CAB39: variants seen among roughly 807,000 people sequenced by gnomAD.
CAB39 encodes the protein calcium-binding protein 39.
In CAB39, 8 loss-of-function variants were observed where a neutral mutation model predicts 40.0. The ratio of observed to expected loss-of-function variants is 0.20; its 90% CI spans 0.12 to 0.36. CAB39 has a LOEUF of 0.36. CAB39 is among the 10% of genes least tolerant of loss of function. CAB39 has a pLI of 1.00. For missense variants in CAB39, 270 were observed against 401.1 expected (o/e 0.67, Z 2.79); for synonymous variants, 156 against 141.6 (o/e 1.10, Z -0.72).
intron 7 of CAB39, among the ~76,000 whole-genome samples, chr2:230,816,155 C>A (rs546433243): frequency 1.3e-5 from 2 of 152,306 alleles, no homozygotes; most frequent in Admixed American, 1.3e-4. Flanking sequence ...AGCCTGTAGT[C>A]CCAGCTACTT....
chr2:230,807,317 G>A lies in CAB39; in HGVS notation c.568-2946G>A, dbSNP rs994949514. Among the ~76,000 whole-genome samples the A allele has an allele frequency of 3.9e-5, 6 of 151,926 alleles. No homozygotes were observed. The East Asian group carries it at 1.2e-3, about 29-fold the overall frequency. On this transcript the variant is annotated intron_variant, in intron 5 of 8. Coordinates refer to ENST00000258418, the MANE Select transcript of CAB39 (RefSeq NM_016289.4). ...TCTCTCAGTAGATAGAGGCTCTGCT[G>A]ATTGTCCTCATCTCCTCCTTTTCCC...
intron 2 of CAB39, among the ~76,000 whole-genome samples, chr2:230,769,150 CA>C (rs1230405609): frequency 6.6e-6 from 1 of 152,066 alleles, no homozygotes; most frequent in Non-Finnish European, 1.5e-5. Context: ...AGAATATTAC[CA>C]AGGGTAAAGA....
At chr2:230,715,645 A>C (rs546674199) in intron 1 of CAB39, among the ~76,000 whole-genome samples, 1 of 152,364 alleles carries the variant, frequency 6.6e-6, no homozygotes, top group South Asian at 2.1e-4. Flanking sequence ...GGATATAAGC[A>C]TAGAATATTT....
intron 1 of CAB39, among the ~76,000 whole-genome samples, chr2:230,732,216 G>A (rs1209908478): frequency 6.6e-6 from 1 of 152,084 alleles, no homozygotes; most frequent in Non-Finnish European, 1.5e-5. Flanking sequence ...CAAGTAGCTG[G>A]GACTACAGGC....
At chr2:230,786,040 T>G (rs1161424126) in intron 2 of CAB39, among the ~76,000 whole-genome samples, 1 of 149,898 alleles carries the variant, frequency 6.7e-6, no homozygotes, top group Non-Finnish European at 1.5e-5. Context: ...GGCGGGTGCC[T>G]GTAGTCCCAG....
At chr2:230,730,423 T>C (rs1694666293) in intron 1 of CAB39, among the ~76,000 whole-genome samples, 1 of 150,478 alleles carries the variant, frequency 6.6e-6, no homozygotes, top group Middle Eastern at 3.2e-3. Context: ...GACTAAAAAC[T>C]ATACATTAGA....
chr2:230,756,372 T>C (rs1695189877), intron 1 of CAB39, among the ~76,000 whole-genome samples: 1 of 152,208 alleles, frequency 6.6e-6, no homozygotes, highest in Non-Finnish European at 1.5e-5. Context: ...GTGATAGGAA[T>C]TTTTCAGCTG....
chr2:230,804,930 A>G (rs369867600), intron 5 of CAB39, among the ~76,000 whole-genome samples: 6 of 152,220 alleles, frequency 3.9e-5, no homozygotes, highest in Admixed American at 6.5e-5. Context: ...TCATACTACT[A>G]TGAAGACACA....
chr2:230,773,310 A>ATGTGTGTGTGTG (rs772464376), intron 2 of CAB39, among the ~76,000 whole-genome samples: 97 of 84,490 alleles, frequency 1.1e-3, no homozygotes, highest in African/African-American at 4.0e-3. Flanking sequence ...ATATATATAT[A>ATGTGTGTGTGTG]TATATGTGTG....
intron 2 of CAB39, among the ~76,000 whole-genome samples, chr2:230,768,434 C>T (rs1559603712): frequency 6.6e-6 from 1 of 152,126 alleles, no homozygotes; most frequent in Non-Finnish European, 1.5e-5. Flanking sequence ...GATCAGGGGA[C>T]ATTTTTCCCT....
chr2:230,808,317 G>A (rs898290689), intron 5 of CAB39, among the ~76,000 whole-genome samples: 4 of 152,084 alleles, frequency 2.6e-5, no homozygotes, highest in African/African-American at 7.2e-5. Context: ...CCTGACCTCA[G>A]GTGATCCACC....
At position 230,819,100 on chromosome 2, in the gene CAB39, T is replaced by C. The variant is rs1696457537; in HGVS notation, c.*396T>C. ...CAGTGTGGCAAGTGCACACCTGGCA[T>C]CCCTGCGTCAGATCGCGCACCTTCA... is the stretch of plus-strand genomic sequence containing the variant. On this transcript the variant is annotated 3_prime_UTR_variant, in exon 9 of 9. Transcript: ENST00000258418. 1 of 156,340 alleles carries C rather than the reference T, an allele frequency of 6.4e-6. No individual in the cohort carries two copies. Among genetic ancestry groups the C allele is most frequent in the Non-Finnish European group, 1.4e-5 (1 of 70,536 alleles). 9.7% of individuals were successfully genotyped at this position (156,340 alleles called of 1,614,324 possible). A position where few individuals can be genotyped will look rare whatever the true frequency, so the allele number is the denominator to read the frequency against.
chr2:230,811,644 C>A (rs1178817739), intron 6 of CAB39, among the ~76,000 whole-genome samples: 1 of 152,154 alleles, frequency 6.6e-6, no homozygotes, highest in Non-Finnish European at 1.5e-5. Flanking sequence ...TCAGGATCTT[C>A]CACCCTGAAG....
At chr2:230,729,742 G>GA (rs1694653544) in intron 1 of CAB39, among the ~76,000 whole-genome samples, 1 of 143,316 alleles carries the variant, frequency 7.0e-6, no homozygotes. Context: ...ACTGTCTTAA[G>GA]GAAAAAAAAA....
chr2:230,806,809 C>T (rs1021737219), intron 5 of CAB39, among the ~76,000 whole-genome samples: 3 of 152,230 alleles, frequency 2.0e-5, no homozygotes, highest in South Asian at 2.1e-4. Flanking sequence ...TGTCCTTAGA[C>T]ATAATCAAAC....
intron 1 of CAB39, among the ~76,000 whole-genome samples, chr2:230,715,427 A>G (rs1467019717): frequency 6.6e-6 from 1 of 152,182 alleles, no homozygotes; most frequent in Admixed American, 6.5e-5. Context: ...AGAGGAAGAA[A>G]GCACACAGAT....
chr2:230,728,205 T>G (rs944342527), intron 1 of CAB39, among the ~76,000 whole-genome samples: 8 of 151,970 alleles, frequency 5.3e-5, no homozygotes, highest in Non-Finnish European at 1.5e-5. Context: ...ACCACTGCAC[T>G]CCAGCATGGG....
chr2:230,776,473 T>A (rs2124938630), intron 2 of CAB39, among the ~76,000 whole-genome samples: 1 of 152,320 alleles, frequency 6.6e-6, no homozygotes, highest in African/African-American at 2.4e-5. Context: ...CTCTATGCAA[T>A]TGCATCACAC....
At chr2:230,777,356 T>TTG (rs1415479698) in intron 2 of CAB39, among the ~76,000 whole-genome samples, 12 of 147,336 alleles carry the variant, frequency 8.1e-5, no homozygotes, top group African/African-American at 3.2e-4. Flanking sequence ...TGTTGGTGTT[T>TTG]TTTTTGTTTT....
Sources: gnomAD v4.1 joint callset for allele counts (sites outside exome capture counted in the v4.1 genomes callset) on GRCh38, gnomAD v4.1.1 for gene constraint, MANE v1.5 for transcripts, NCBI Gene and HGNC (gene_info 2026-07-23, HGNC 2026-07-21) for gene names.